The following CEP57L1 variants were observed in gnomAD, a reference collection of about 807,000 sequenced individuals.
CEP57L1 encodes centrosomal protein CEP57L1.
Under a neutral mutation model 61.0 loss-of-function variants are expected in CEP57L1, and 37 were observed. The observed-to-expected ratio is 0.61, with a 90% confidence interval of 0.47 to 0.80. CEP57L1 has a LOEUF of 0.80. Ranked by LOEUF, CEP57L1 falls within the 30% of genes least tolerant of loss-of-function variation. CEP57L1 has a pLI of 0.00. For synonymous variants in CEP57L1, 137 were observed against 162.3 expected (o/e 0.84, Z 1.19); for missense variants, 422 against 524.7 (o/e 0.80, Z 1.91).
At chr6:109,128,442 A>T (rs938709299) in intron 1 of CEP57L1, among the ~76,000 whole-genome samples, 1 of 151,908 alleles carries the variant, frequency 6.6e-6, no homozygotes, top group African/African-American at 2.4e-5. Context: ...CCTATTTTAG[A>T]CCTATATTTT....
chr6:109,159,324 C>T lies in CEP57L1; in HGVS notation c.878C>T (p.Thr293Ile), dbSNP rs866403561. The change falls in exon 9 of 11, where the codon ACT (threonine) becomes ATT (isoleucine). Residue 293 changes from threonine (T) to isoleucine (I), a missense_variant. Transcript: ENST00000517392. The stretch of plus-strand genomic sequence containing the variant: ...CAGAAACCTTTTAACGTGACTGAGA[C>T]TAGATGTCTCCCCAAGCCTTCTAGA... The part of the protein sequence containing the change: ...ILQKPFNVTE[T>I]RCLPKPSRTT... The T allele has an allele frequency of 6.2e-7, 1 of 1,614,120 alleles. No homozygotes were observed. Among genetic ancestry groups the T allele is most frequent in the African/African-American group, 1.3e-5 (1 of 75,044 alleles).
chr6:109,116,468 G>A (rs775331997), intron 1 of CEP57L1, among the ~76,000 whole-genome samples: 1 of 152,036 alleles, frequency 6.6e-6, no homozygotes, highest in Non-Finnish European at 1.5e-5. Context: ...GAGCCACGGC[G>A]CCCAGCTCCC....
rs1371123326 is a variant in CEP57L1 at position 109,116,120 on chromosome 6, A to ATTTTATTTTATTTTATTTTATTT, written c.-4+20546_-4+20547insTTTATTTTATTTTATTTTATTTT. ...ATTTTATTTTATTTTATTTTATGTTATGTGTTGTGTTATGTTATGTTATGT... is the reference window on the plus strand; with the variant it reads ...ATTTTATTTTATTTTATTTTATGTTATTTTATTTTATTTTATTTTATTTTGTGTTGTGTTATGTTATGTTATGT... On this transcript the variant is annotated intron_variant, in intron 1 of 10. Coordinates refer to ENST00000517392, the MANE Select transcript of CEP57L1 (RefSeq NM_001271852.3). Among the ~76,000 whole-genome samples, 152 of 136,336 alleles carry ATTTTATTTTATTTTATTTTATTT rather than the reference A, an allele frequency of 1.1e-3. 1 individual carries two copies. Among genetic ancestry groups the ATTTTATTTTATTTTATTTTATTT allele is most frequent in the African/African-American group, 3.9e-3 (132 of 33,606 alleles). The allele number at this position is 136,336 out of a possible 152,430, so 89.4% of individuals were successfully genotyped here.
chr6:109,145,599 A>G (rs574458936), intron 2 of CEP57L1, among the ~76,000 whole-genome samples: 1 of 152,092 alleles, frequency 6.6e-6, no homozygotes, highest in East Asian at 1.9e-4. Flanking sequence ...AGCTGGACAC[A>G]TATCACAGAG....
At chr6:109,153,054 T>C (rs1772813593) in intron 4 of CEP57L1, among the ~76,000 whole-genome samples, 2 of 150,822 alleles carry the variant, frequency 1.3e-5, no homozygotes, top group Non-Finnish European at 3.0e-5. Context: ...AAGGTTGCAG[T>C]GAGCCAAGAT....
chr6:109,160,666 A>G lies in CEP57L1; in HGVS notation c.1111A>G (p.Met371Val), dbSNP rs185193782. 5 of 1,609,602 alleles carry G rather than the reference A, an allele frequency of 3.1e-6. No homozygotes were observed. In the African/African-American group the frequency reaches 4.0e-5, roughly 13 times the overall value. The change falls in exon 10 of 11, where the codon ATG (methionine) becomes GTG (valine). Residue 371 changes from methionine to valine, a missense_variant. By Grantham distance (21) the Met-to-Val change is conservative. Transcript: ENST00000517392. ...ECELECLLKK[M>V]EIKGEQISKL... ...TGAACTAGAGTGTTTACTCAAGAAA[A>G]TGGAAATTAAAGGAGAACAAATCTC... is the stretch of plus-strand genomic sequence containing the variant.
intron 1 of CEP57L1, chr6:109,100,340 C>T (rs936540071): frequency 3.3e-5 from 5 of 151,802 alleles, no homozygotes; most frequent in Non-Finnish European, 5.9e-5. Context: ...AATGGATGGA[C>T]GAGGGTACAT....
rs373308225 is a variant in CEP57L1, at chr6:109,129,822, TAATTTAAAATTTAA to T, written c.-3-15384_-3-15371del. On this transcript the variant is annotated intron_variant, in intron 1 of 10. Transcript: ENST00000517392. Reference sequence around the variant, plus strand: ...ATATCTTTCTTTAAAATTTTTTTTTTAATTTAAAATTTAAAATTTAAAATTTCTTTAAAAATTGT... The same window carrying T: ...ATATCTTTCTTTAAAATTTTTTTTTTAATTTAAAATTTCTTTAAAAATTGT... 2.6e-5 allele frequency among the ~76,000 whole-genome samples: 4 copies of T among 151,640 alleles called. No individual in the cohort carries two copies. The South Asian group carries it at 8.3e-4, about 32-fold the overall frequency.
intron 1 of CEP57L1, among the ~76,000 whole-genome samples, chr6:109,141,982 C>T (rs535935041): frequency 1.3e-5 from 2 of 152,288 alleles, no homozygotes; most frequent in African/African-American, 2.4e-5. Flanking sequence ...CCCCTAATGT[C>T]GTCTCCCTAG....
chr6:109,135,068 A>G (rs1774681180), intron 1 of CEP57L1, among the ~76,000 whole-genome samples: 1 of 152,004 alleles, frequency 6.6e-6, no homozygotes, highest in South Asian at 2.1e-4. Context: ...AACTACTTTA[A>G]AGTTCATATG....
In CEP57L1 at chr6:109,150,255, A is replaced by G. The variant is rs1772463127; in HGVS notation, c.462+16A>G. 5 of 1,582,012 alleles carry G rather than the reference A, an allele frequency of 3.2e-6. No individual in the cohort carries two copies. In the African/African-American group the frequency reaches 5.4e-5, roughly 17 times the overall value. On this transcript the variant is annotated intron_variant, in intron 4 of 10. Transcript: ENST00000517392. ...AGAACAACAGGTGAGCATATTTTCT[A>G]TAAGGAATGATAATATAATTTTGTA...
intron 3 of CEP57L1, among the ~76,000 whole-genome samples, chr6:109,148,591 G>A (rs948019754): frequency 6.6e-6 from 1 of 152,162 alleles, no homozygotes; most frequent in African/African-American, 2.4e-5. Flanking sequence ...GTGTGCATGT[G>A]TCTTTGTAGC....
rs902989069 is a variant in CEP57L1, at chr6:109,164,355, C to T, written c.*1385C>T. Among the ~76,000 whole-genome samples, 3 of 152,128 alleles carry T rather than the reference C, an allele frequency of 2.0e-5. No homozygotes were observed. The highest frequency in any genetic ancestry group is 1.9e-4 in the East Asian group (1 of 5,190). On this transcript the variant is annotated 3_prime_UTR_variant, in exon 11 of 11. Transcript: ENST00000517392. Reference sequence around the variant, plus strand: ...ATACCATGTTAGAATACCTTCCATACCTGGAAGTGGGGAAGTGACTGAAGA... The same window carrying T: ...ATACCATGTTAGAATACCTTCCATATCTGGAAGTGGGGAAGTGACTGAAGA...
chr6:109,095,635 C>G, intron 1 of CEP57L1, 60 bp downstream of exon 1: 3 of 961,716 alleles, frequency 3.1e-6, no homozygotes, highest in Non-Finnish European at 3.7e-6. Context: ...TCCTCCATTT[C>G]CTCTGGGATT....
At chr6:109,103,704 G>T (rs1237857096) in intron 1 of CEP57L1, among the ~76,000 whole-genome samples, 1 of 151,960 alleles carries the variant, frequency 6.6e-6, no homozygotes, top group Non-Finnish European at 1.5e-5. Flanking sequence ...ATATATTAAT[G>T]GATAGATTTT....
chr6:109,171,404 G>GGT lies in CEP57L1; in HGVS notation c.*8434_*8435insGT, dbSNP rs780379459. On this transcript the variant is annotated 3_prime_UTR_variant, in exon 11 of 11. Transcript: ENST00000517392. ...CAGGCATGCGTCACCACACCCGGCT[G>GGT]TTTTTTTTTTTCGCATTTTTAATAG... 1.9e-4 allele frequency among the ~76,000 whole-genome samples: 23 copies of GGT among 121,842 alleles called. 1 individual carries two copies. Among genetic ancestry groups the GGT allele is most frequent in the African/African-American group, 3.3e-4 (12 of 36,386 alleles). The allele number at this position is 121,842 out of a possible 152,430, so 79.9% of individuals were successfully genotyped here. A position where few individuals can be genotyped will look rare whatever the true frequency, so the allele number is the denominator to read the frequency against.
chr6:109,095,973 T>A (rs1397834014), intron 1 of CEP57L1, among the ~76,000 whole-genome samples: 1 of 152,152 alleles, frequency 6.6e-6, no homozygotes, highest in African/African-American at 2.4e-5. Context: ...TCAAATGAAA[T>A]CCTAGGCAGG....
intron 1 of CEP57L1, among the ~76,000 whole-genome samples, chr6:109,117,647 G>A (rs1213424177): frequency 2.0e-5 from 3 of 152,164 alleles, no homozygotes; most frequent in Admixed American, 1.3e-4. Flanking sequence ...ACAAAGTTTG[G>A]CACATGATAG....
In CEP57L1 at chr6:109,166,631, C is replaced by A. The variant is rs1351560426; in HGVS notation, c.*3661C>A. Among the ~76,000 whole-genome samples the A allele has an allele frequency of 1.3e-5, 2 of 152,172 alleles. No homozygotes were observed. The highest frequency in any genetic ancestry group is 2.9e-5 in the Non-Finnish European group (2 of 68,018). ...CTCCTGACCTCAGGTGATCCGCCCA[C>A]CTCAGCCTCCCAAAGTGCTGGGATT... On this transcript the variant is annotated 3_prime_UTR_variant, in exon 11 of 11. Coordinates refer to ENST00000517392, the MANE Select transcript of CEP57L1 (RefSeq NM_001271852.3).
Sources: allele counts gnomAD v4.1 joint callset (sites outside exome capture counted in the v4.1 genomes callset), GRCh38; gene constraint gnomAD v4.1.1; transcripts MANE v1.5; gene names NCBI Gene and HGNC (gene_info 2026-07-23, HGNC 2026-07-21).